MPHOSPH9: variants seen among roughly 807,000 people sequenced by gnomAD.
MPHOSPH9 encodes the protein M-phase phosphoprotein 9.
A neutral mutation model predicts 145.5 loss-of-function variants in MPHOSPH9; 88 were observed. That is an observed-to-expected ratio of 0.60 (90% CI 0.51 to 0.72). The LOEUF (loss-of-function observed/expected upper bound fraction) is 0.72, where lower values mean the gene tolerates loss of function less well. MPHOSPH9 is among the 30% of genes least tolerant of loss of function. The pLI, the probability that MPHOSPH9 is intolerant of heterozygous loss-of-function variation, is 0.00. For synonymous variants in MPHOSPH9, 435 were observed against 486.2 expected, an observed-to-expected ratio of 0.89 and a Z score of 1.39; for missense variants, 1,238 against 1,386.6, an observed-to-expected ratio of 0.89 and a Z score of 1.70.
chr12:123,192,702 T>C (rs1488735316), intron 13 of MPHOSPH9, among the ~76,000 whole-genome samples: 5 of 143,156 alleles, frequency 3.5e-5, no homozygotes, highest in African/African-American at 1.0e-4. Context: ...TATACCACCA[T>C]AGCTTAACTG....
Position 123,194,488 on chromosome 12 carries a change from T to C in MPHOSPH9, c.2139A>G (p.Leu713=), listed in dbSNP as rs779207772. ...SKEKDNTIIR[L]KSRLQDLEEA... is the part of the protein sequence containing the mutation. ...CTTCTAAATCTTGCAGTCTAGATTT[T>C]AGTCGAATGATGGTATTGTCTTTTT... Residue 713 remains leucine, a synonymous_variant, in exon 13 of 24, where the codon CTA becomes CTG. Transcript: ENST00000606320. 1 of 1,611,966 alleles carries C rather than the reference T, an allele frequency of 6.2e-7. No individual in the cohort carries two copies. Among genetic ancestry groups the C allele is most frequent in the East Asian group, 2.2e-5 (1 of 44,872 alleles).
intron 8 of MPHOSPH9, 30 bp from the exon 9 acceptor site, chr12:123,203,405 G>A: frequency 6.5e-7 from 1 of 1,540,166 alleles, no homozygotes; most frequent in Non-Finnish European, 8.8e-7. Flanking sequence ...ATTAAATGGT[G>A]TTATCAATAA....
intron 13 of MPHOSPH9, among the ~76,000 whole-genome samples, chr12:123,182,094 C>A (rs1410326890): frequency 1.3e-5 from 2 of 151,800 alleles, no homozygotes; most frequent in Admixed American, 1.3e-4. Flanking sequence ...GCGCACGCCA[C>A]CATGCCCGGC....
chr12:123,205,187 G>A (rs1296207177), intron 8 of MPHOSPH9, among the ~76,000 whole-genome samples: 2 of 152,166 alleles, frequency 1.3e-5, no homozygotes, highest in African/African-American at 4.8e-5. Context: ...AGGCTGCAGA[G>A]CACCATGAAT....
At chr12:123,195,585 C>CA (rs551573828) in intron 12 of MPHOSPH9, among the ~76,000 whole-genome samples, 1,551 of 126,546 alleles carry the variant, frequency 0.012, 14 homozygotes, top group Admixed American at 0.016. Flanking sequence ...GACTCTGTCT[C>CA]AAAAAAAAAA....
chr12:123,204,056 C>A (rs1174782415), intron 8 of MPHOSPH9, among the ~76,000 whole-genome samples: 1 of 152,112 alleles, frequency 6.6e-6, no homozygotes, highest in African/African-American at 2.4e-5. Context: ...ATAATCCCAG[C>A]ACTTCGGGAG....
chr12:123,243,142 GT>G (rs1257688018), intron 1 of MPHOSPH9, among the ~76,000 whole-genome samples: 1 of 152,118 alleles, frequency 6.6e-6, no homozygotes, highest in Non-Finnish European at 1.5e-5. Context: ...AACAAAACCA[GT>G]TTTTAAAGCA....
chr12:123,172,147 G>A (rs762587920), intron 16 of MPHOSPH9, among the ~76,000 whole-genome samples: 1 of 152,112 alleles, frequency 6.6e-6, no homozygotes, highest in Non-Finnish European at 1.5e-5. Flanking sequence ...TCTAGCTGAG[G>A]ATCAGCAAAT....
intron 8 of MPHOSPH9, among the ~76,000 whole-genome samples, chr12:123,205,437 T>C (rs1265231879): frequency 6.6e-6 from 1 of 151,998 alleles, no homozygotes; most frequent in East Asian, 1.9e-4. Flanking sequence ...TCCCAGCTAC[T>C]TGGGAGGCTG....
intron 18 of MPHOSPH9, 93 bp from the exon 19 acceptor site, chr12:123,164,183 G>A: frequency 7.0e-7 from 1 of 1,430,780 alleles, no homozygotes; most frequent in Non-Finnish European, 9.7e-7. Context: ...GTTACACATG[G>A]TTACACACCA....
In MPHOSPH9 at chr12:123,159,808, T is replaced by C. The variant is rs2044027604; in HGVS notation, c.3450+973A>G. On this transcript the variant is annotated intron_variant, in intron 23 of 23. Coordinates refer to ENST00000606320, the MANE Select transcript of MPHOSPH9 (RefSeq NM_022782.4). This position sits in a 1 kb window ranked among gnomAD's most constrained non-coding sequence, Gnocchi z 4.3. The stretch of plus-strand genomic sequence containing the variant: ...GTTACTGCTGATGGAATATTGTACG[T>C]TAATTTAAAAGGATGTTATAGAAAG... 6.6e-6 allele frequency: 1 copy of C among 152,198 alleles called. No homozygotes were observed. The highest frequency in any genetic ancestry group is 2.1e-4 in the South Asian group (1 of 4,834). The allele number at this position is 152,198 out of a possible 1,614,324, so 9.4% of individuals were successfully genotyped here. A position where few individuals can be genotyped will look rare whatever the true frequency, so the allele number is the denominator to read the frequency against.
chr12:123,196,361 CAAAAT>C (rs1160220964), intron 12 of MPHOSPH9, among the ~76,000 whole-genome samples: 1 of 152,030 alleles, frequency 6.6e-6, no homozygotes, highest in Middle Eastern at 3.2e-3. Context: ...AACAAAAAAA[CAAAAT>C]AGACAGTTTC....
At chr12:123,176,837 A>G in intron 15 of MPHOSPH9, 48 bp from the exon 16 acceptor site, 2 of 1,397,158 alleles carry the variant, frequency 1.4e-6, no homozygotes, top group East Asian at 4.6e-5. Flanking sequence ...CAACAAATGT[A>G]AAATATAGCT....
intron 2 of MPHOSPH9, among the ~76,000 whole-genome samples, chr12:123,227,986 G>C (rs534347487): frequency 6.6e-6 from 1 of 152,278 alleles, no homozygotes; most frequent in East Asian, 1.9e-4. Context: ...ATTGTGCAGT[G>C]GGGATTCTTT....
In MPHOSPH9 at chr12:123,161,172, TTC is replaced by T. The variant is rs748931658; in HGVS notation, c.3343_3344del (p.Glu1115ThrfsTer4). On this transcript the variant is annotated frameshift_variant, in exon 22 of 24. Transcript: ENST00000606320. LOFTEE classifies it high-confidence loss of function. The stretch of plus-strand genomic sequence containing the variant: ...CTTTTGTAAGTTCATCAAAAAATCG[TTC>T]TGTTTCAGCTAGGGTCCGAATTTTT... ...TAKIRTLAETERFFDELTKEK... is the reference protein window; with the variant it reads ...TAKIRTLAETXRFFDELTKEK... The T allele has an allele frequency of 6.2e-6, 10 of 1,614,068 alleles. No individual in the cohort carries two copies. In the Admixed American group the frequency reaches 1.7e-4, roughly 27 times the overall value.
chr12:123,218,837 CT>C (rs2047077277), intron 5 of MPHOSPH9, among the ~76,000 whole-genome samples: 1 of 151,746 alleles, frequency 6.6e-6, no homozygotes, highest in South Asian at 2.1e-4. Flanking sequence ...TCTTTAGATA[CT>C]GTACTTCACA....
At chr12:123,152,720 C>G (rs770928503), downstream of MPHOSPH9, 5 of 372,308 alleles carry the variant, frequency 1.3e-5, no homozygotes, top group Non-Finnish European at 2.7e-5. Context: ...TACCATAGAG[C>G]TCTTGGCAGG....
chr12:123,164,249 T>A (rs1350099403), intron 18 of MPHOSPH9, among the ~76,000 whole-genome samples, 159 bp from the exon 19 acceptor site: 1 of 152,188 alleles, frequency 6.6e-6, no homozygotes, highest in African/African-American at 2.4e-5. Flanking sequence ...TAGGTTATAG[T>A]GACTATTTGC....
At chr12:123,179,513 TG>T (rs1242890419) in intron 15 of MPHOSPH9, among the ~76,000 whole-genome samples, 1 of 151,972 alleles carries the variant, frequency 6.6e-6, no homozygotes, top group Non-Finnish European at 1.5e-5. Context: ...AGGAGGAGGT[TG>T]CAGTGAGCCA....
Sources: gnomAD v4.1 joint callset for allele counts (sites outside exome capture counted in the v4.1 genomes callset) on GRCh38, gnomAD v4.1.1 for gene constraint, Gnocchi (gnomAD v3.1) non-coding constraint, MANE v1.5 for transcripts, NCBI Gene and HGNC (gene_info 2026-07-23, HGNC 2026-07-21) for gene names.